APBA1: variants seen among roughly 807,000 people sequenced by gnomAD.
The protein encoded by APBA1 is amyloid-beta A4 precursor protein-binding family A member 1.
Under a neutral mutation model 86.6 loss-of-function variants are expected in APBA1, and 55 were observed. The observed-to-expected ratio is 0.64, with a 90% CI of 0.51 to 0.80. The LOEUF is 0.80. APBA1 is among the 30% of genes least tolerant of loss of function. APBA1 has a pLI of 0.00. For synonymous variants in APBA1, 511 were observed against 493.9 expected, an observed-to-expected ratio of 1.03 and a Z score of -0.46; for missense variants, 1,090 against 1,183.0, an observed-to-expected ratio of 0.92 and a Z score of 1.15.
intron 1 of APBA1, 71 bp from the exon 2 acceptor site, chr9:69,517,350 C>G: frequency 7.6e-7 from 1 of 1,310,986 alleles, no homozygotes; most frequent in Non-Finnish European, 9.7e-7. Flanking sequence ...ATTCAGATAA[C>G]CATAAAAACA....
At chr9:69,459,999 T>C (rs780378586) in intron 5 of APBA1, among the ~76,000 whole-genome samples, 2 of 152,216 alleles carry the variant, frequency 1.3e-5, no homozygotes, top group East Asian at 3.8e-4. Flanking sequence ...CAGACGCTAT[T>C]GTGGTAATGG....
At chr9:69,512,819 A>C (rs1374311974) in intron 2 of APBA1, among the ~76,000 whole-genome samples, 2 of 152,236 alleles carry the variant, frequency 1.3e-5, no homozygotes, top group Admixed American at 1.3e-4. Flanking sequence ...AACGAAGGGC[A>C]GTAACTTGCA....
chr9:69,500,286 A>G (rs1835861757), intron 2 of APBA1, among the ~76,000 whole-genome samples: 2 of 152,150 alleles, frequency 1.3e-5, no homozygotes, highest in African/African-American at 4.8e-5. Context: ...CCCAAATGTT[A>G]AGTGAGCTTT....
At chr9:69,501,016 G>A (rs1835872633) in intron 2 of APBA1, among the ~76,000 whole-genome samples, 1 of 152,084 alleles carries the variant, frequency 6.6e-6, no homozygotes, top group African/African-American at 2.4e-5. Flanking sequence ...TGTTCAGACT[G>A]ACTCCAATTC....
At chr9:69,600,339 C>A (rs1319281964) in intron 1 of APBA1, among the ~76,000 whole-genome samples, 1 of 152,134 alleles carries the variant, frequency 6.6e-6, no homozygotes, top group Admixed American at 6.6e-5. Context: ...TGTGTGACCC[C>A]GAACCTTTGC....
At chr9:69,459,517 T>C (rs1835155925) in intron 5 of APBA1, among the ~76,000 whole-genome samples, 1 of 152,254 alleles carries the variant, frequency 6.6e-6, no homozygotes, top group African/African-American at 2.4e-5. Context: ...GATCCTTTCA[T>C]TGTTCTCCCT....
At chr9:69,473,825 T>G (rs1295824186) in intron 3 of APBA1, among the ~76,000 whole-genome samples, 2 of 152,198 alleles carry the variant, frequency 1.3e-5, no homozygotes, top group East Asian at 1.9e-4. Context: ...ACTAGCTTTC[T>G]TAGTCTCTGG....
intron 1 of APBA1, among the ~76,000 whole-genome samples, chr9:69,556,231 G>A (rs909164716): frequency 1.3e-5 from 2 of 152,102 alleles, no homozygotes; most frequent in African/African-American, 4.8e-5. Context: ...TATATCAAGT[G>A]GAAAATATCG....
chr9:69,524,549 A>G (rs1160395859), intron 1 of APBA1, among the ~76,000 whole-genome samples: 1 of 152,038 alleles, frequency 6.6e-6, no homozygotes, highest in Non-Finnish European at 1.5e-5. Flanking sequence ...TGAAACCTTG[A>G]ACAAACCAAG....
At chr9:69,488,239 C>G (rs968965167) in intron 2 of APBA1, among the ~76,000 whole-genome samples, 1 of 152,010 alleles carries the variant, frequency 6.6e-6, no homozygotes, top group Non-Finnish European at 1.5e-5. Context: ...AAATGTTTCT[C>G]TTCATGATTG....
chr9:69,653,018 A>AC lies in APBA1; in HGVS notation c.-70+19134_-70+19135insG, dbSNP rs954277807. 1.2e-3 allele frequency among the ~76,000 whole-genome samples: 187 copies of AC among 151,686 alleles called. 1 individual carries two copies. Among genetic ancestry groups the AC allele is most frequent in the Non-Finnish European group, 1.9e-3 (132 of 67,888 alleles). On this transcript the variant is annotated intron_variant, in intron 1 of 12. Coordinates refer to ENST00000265381, the MANE Select transcript of APBA1 (RefSeq NM_001163.4). ...ACTCAGGAAAACAAAAACAAGCAAA[A>AC]AAAAAACAAAAAAACAAGACTCTGT...
intron 2 of APBA1, among the ~76,000 whole-genome samples, chr9:69,483,157 C>CAAA (rs1192992471): frequency 1.4e-5 from 1 of 73,364 alleles, no homozygotes. Flanking sequence ...AAAAACGAAA[C>CAAA]AAAAAAAAAA....
intron 9 of APBA1, among the ~76,000 whole-genome samples, chr9:69,450,829 A>C (rs1052893060): frequency 6.6e-6 from 1 of 152,152 alleles, no homozygotes; most frequent in Non-Finnish European, 1.5e-5. Flanking sequence ...GTATCAAAAA[A>C]AAAAAGAGGA....
Position 69,515,994 on chromosome 9 carries a change from A to C in APBA1, c.1200+17T>G. 1 of 1,528,012 alleles carries C rather than the reference A, an allele frequency of 6.5e-7. No homozygotes were observed. 94.7% of individuals were successfully genotyped at this position (1,528,012 alleles called of 1,614,324 possible). On this transcript the variant is annotated intron_variant, in intron 2 of 12. Coordinates refer to ENST00000265381, the MANE Select transcript of APBA1 (RefSeq NM_001163.4). ...CACCGCGTGGGGCCGAGGAAGCCCA[A>C]ACCCGCACCTACTTACATCTCCGTC...
chr9:69,658,524 T>G (rs2134023842), intron 1 of APBA1, among the ~76,000 whole-genome samples: 1 of 150,574 alleles, frequency 6.6e-6, no homozygotes, highest in South Asian at 2.1e-4. Context: ...TACCTCAGCC[T>G]CCTGAGTAGC....
intron 1 of APBA1, among the ~76,000 whole-genome samples, chr9:69,646,863 C>T (rs966296908): frequency 5.9e-5 from 9 of 152,160 alleles, no homozygotes; most frequent in Non-Finnish European, 1.2e-4. Flanking sequence ...CACACCCAGG[C>T]ACCAAAGGAA....
At chr9:69,587,038 T>G (rs1454957324) in intron 1 of APBA1, among the ~76,000 whole-genome samples, 1 of 152,254 alleles carries the variant, frequency 6.6e-6, no homozygotes, top group Non-Finnish European at 1.5e-5. Context: ...AATTGTATAT[T>G]GTTGGTTGAT....
At chr9:69,555,361 T>C (rs1836845915) in intron 1 of APBA1, among the ~76,000 whole-genome samples, 1 of 152,162 alleles carries the variant, frequency 6.6e-6, no homozygotes, top group South Asian at 2.1e-4. Context: ...ACTATATGAG[T>C]TTTGAAGGCT....
At chr9:69,558,035 G>A (rs1836889483) in intron 1 of APBA1, among the ~76,000 whole-genome samples, 1 of 152,094 alleles carries the variant, frequency 6.6e-6, no homozygotes, top group Admixed American at 6.6e-5. Flanking sequence ...TTATGAATTT[G>A]TCTATTTCTC....
Sources: gnomAD v4.1 joint callset for allele counts (sites outside exome capture counted in the v4.1 genomes callset) on GRCh38, gnomAD v4.1.1 for gene constraint, MANE v1.5 for transcripts, NCBI Gene and HGNC (gene_info 2026-07-23, HGNC 2026-07-21) for gene names.